Variants in DENND5A observed in about 807,000 individuals in gnomAD.
DENND5A encodes the protein DENN domain containing 5A.
Under a neutral mutation model 140.3 loss-of-function variants are expected in DENND5A, and 64 were observed. That is an observed-to-expected ratio of 0.46 (90% CI 0.37 to 0.56). The LOEUF (loss-of-function observed/expected upper bound fraction) is 0.56. DENND5A is among the 20% of genes least tolerant of loss of function. DENND5A has a pLI of 0.00. For missense variants in DENND5A, 1,292 were observed against 1,593.8 expected, an observed-to-expected ratio of 0.81 and a Z score of 3.22; for synonymous variants, 605 against 607.7, an observed-to-expected ratio of 1.00 and a Z score of 0.07.
intron 5 of DENND5A, among the ~76,000 whole-genome samples, chr11:9,187,028 G>A (rs1848936347): frequency 6.6e-6 from 1 of 152,164 alleles, no homozygotes; most frequent in African/African-American, 2.4e-5. Flanking sequence ...AGGTTGCAGT[G>A]AGCTGAGATG....
At position 9,220,534 on chromosome 11, in the gene DENND5A, C is replaced by T. The variant is rs184398188; in HGVS notation, c.110-12902G>A. ...TGCACTCCAGTATAGGCAACAAGAG[C>T]GAAACTCTGTCTCAAAAATAATAAT... is the stretch of plus-strand genomic sequence containing the variant. On this transcript the variant is annotated intron_variant, in intron 1 of 22. Coordinates refer to ENST00000328194, the MANE Select transcript of DENND5A (RefSeq NM_015213.4). Among the ~76,000 whole-genome samples, 13 of 151,450 alleles carry T rather than the reference C, an allele frequency of 8.6e-5. No individual in the cohort carries two copies. The East Asian group carries it at 9.7e-4, about 11-fold the overall frequency.
At chr11:9,149,942 T>TTCATAA in intron 15 of DENND5A, 139 bp downstream of exon 15, 1 of 1,211,520 alleles carries the variant, frequency 8.3e-7, no homozygotes, top group South Asian at 1.7e-5. Flanking sequence ...GAGGAAATAC[T>TTCATAA]GCAAAACCTT....
chr11:9,234,132 C>T (rs895829865), intron 1 of DENND5A, among the ~76,000 whole-genome samples: 2 of 150,972 alleles, frequency 1.3e-5, no homozygotes, highest in Admixed American at 6.6e-5. Flanking sequence ...GAGCCATGAT[C>T]GTGCCACTGC....
intron 22 of DENND5A, chr11:9,140,228 G>T (rs1847192129): frequency 7.6e-7 from 1 of 1,312,912 alleles, no homozygotes; most frequent in South Asian, 1.2e-5. Context: ...TGACATAAGA[G>T]ATTTAATCTT....
At chr11:9,232,128 A>C (rs1021223228) in intron 1 of DENND5A, among the ~76,000 whole-genome samples, 1 of 152,136 alleles carries the variant, frequency 6.6e-6, no homozygotes, top group African/African-American at 2.4e-5. Context: ...TCTAAATATG[A>C]AAGGTAAAAA....
At chr11:9,198,068 C>T (rs79185396) in intron 4 of DENND5A, among the ~76,000 whole-genome samples, 1,837 of 152,138 alleles carry the variant, frequency 0.012, 35 homozygotes, top group African/African-American at 0.041. Flanking sequence ...GATTATACAA[C>T]GTAACCAAAT....
intron 8 of DENND5A, 130 bp from the exon 9 acceptor site, chr11:9,170,907 GA>G: frequency 6.8e-7 from 1 of 1,460,304 alleles, no homozygotes; most frequent in Non-Finnish European, 9.1e-7. Flanking sequence ...AAAAGGGACT[GA>G]TTTTCCTGCC....
chr11:9,244,287 G>A (rs1470140293), intron 1 of DENND5A, among the ~76,000 whole-genome samples: 4 of 152,182 alleles, frequency 2.6e-5, no homozygotes, highest in African/African-American at 9.7e-5. Flanking sequence ...GAAGAGGTGA[G>A]GCCTTTAACA....
chr11:9,260,835 T>C (rs935863995), intron 1 of DENND5A, among the ~76,000 whole-genome samples: 1 of 152,202 alleles, frequency 6.6e-6, no homozygotes, highest in African/African-American at 2.4e-5. Context: ...TGGGTTTTTT[T>C]ATTTTTTATT....
intron 17 of DENND5A, 99 bp downstream of exon 17, chr11:9,145,571 G>A (rs996924723): frequency 1.1e-5 from 14 of 1,294,524 alleles, no homozygotes; most frequent in Middle Eastern, 2.3e-4. Context: ...GCATTACACT[G>A]TACATAGCAA....
intron 2 of DENND5A, chr11:9,207,059 G>T: frequency 2.1e-6 from 1 of 471,706 alleles, no homozygotes; most frequent in South Asian, 2.5e-5. Context: ...TTTCATGGGA[G>T]AGAGTGAGAA....
chr11:9,156,057 A>G (rs997006571), intron 12 of DENND5A, among the ~76,000 whole-genome samples: 1 of 152,204 alleles, frequency 6.6e-6, no homozygotes, highest in African/African-American at 2.4e-5. Flanking sequence ...GGTGTATGAT[A>G]AAGGACAGCA....
At chr11:9,234,982 G>C (rs1422088274) in intron 1 of DENND5A, among the ~76,000 whole-genome samples, 3 of 152,080 alleles carry the variant, frequency 2.0e-5, no homozygotes. Context: ...TAGCGCCGCT[G>C]GGTTAGGGTC....
At chr11:9,251,405 C>T (rs1240863725) in intron 1 of DENND5A, among the ~76,000 whole-genome samples, 1 of 152,108 alleles carries the variant, frequency 6.6e-6, no homozygotes, top group African/African-American at 2.4e-5. Context: ...GGAAGCTCTA[C>T]AAGAGATTCC....
intron 1 of DENND5A, among the ~76,000 whole-genome samples, chr11:9,211,846 C>T (rs1037354048): frequency 6.7e-6 from 1 of 149,602 alleles, no homozygotes; most frequent in African/African-American, 2.5e-5. Context: ...GCAGAAGAAT[C>T]TCTTGAGGTT....
intron 1 of DENND5A, among the ~76,000 whole-genome samples, chr11:9,236,485 T>G (rs913375698): frequency 6.6e-6 from 1 of 151,574 alleles, no homozygotes; most frequent in Non-Finnish European, 1.5e-5. Flanking sequence ...TGAGCCAAAA[T>G]TGCACCACTG....
chr11:9,179,881 C>CA (rs933063638), intron 6 of DENND5A, among the ~76,000 whole-genome samples: 47 of 147,948 alleles, frequency 3.2e-4, no homozygotes, highest in East Asian at 7.9e-4. Flanking sequence ...GTCTACTAAG[C>CA]AAAAAAAAAA....
chr11:9,187,250 G>A (rs527825677), intron 5 of DENND5A, among the ~76,000 whole-genome samples: 17 of 152,110 alleles, frequency 1.1e-4, no homozygotes, highest in South Asian at 6.2e-4. Flanking sequence ...CAAAATACTA[G>A]GAACTCCTCA....
chr11:9,182,178 T>G (rs1253346558), intron 5 of DENND5A, among the ~76,000 whole-genome samples: 1 of 152,014 alleles, frequency 6.6e-6, no homozygotes, highest in Non-Finnish European at 1.5e-5. Context: ...TAGCCAGGTG[T>G]GGTGATGGGC....
Sources: gnomAD v4.1 joint callset for allele counts (sites outside exome capture counted in the v4.1 genomes callset) on GRCh38, gnomAD v4.1.1 for gene constraint, MANE v1.5 for transcripts, NCBI Gene and HGNC (gene_info 2026-07-23, HGNC 2026-07-21) for gene names.